APP: variants seen among roughly 807,000 people sequenced by gnomAD.
The protein encoded by APP is amyloid beta precursor protein.
APP carries 31 observed loss-of-function variants against 101.4 expected under a neutral mutation model. The observed-to-expected ratio is 0.31, with a 90% CI of 0.23 to 0.41. The LOEUF is 0.41. APP is among the 10% of genes least tolerant of loss of function. The pLI is 1.00. For missense variants in APP, 839 were observed against 1,003.7 expected, an observed-to-expected ratio of 0.84 and a Z score of 2.22; for synonymous variants, 366 against 364.4, an observed-to-expected ratio of 1.00 and a Z score of -0.05.
chr21:26,002,838 G>A (rs544236258), intron 6 of APP, among the ~76,000 whole-genome samples: 4 of 152,206 alleles, frequency 2.6e-5, no homozygotes, highest in Non-Finnish European at 4.4e-5. Flanking sequence ...CACGGGCCTC[G>A]CAGTGAACAT....
chr21:25,882,003 T>C (rs2037019358), intron 17 of APP, among the ~76,000 whole-genome samples: 1 of 152,090 alleles, frequency 6.6e-6, no homozygotes, highest in African/African-American at 2.4e-5. Context: ...CTTGACGCGC[T>C]TGCAACGTGT....
At chr21:26,113,570 C>A (rs528054740) in intron 1 of APP, among the ~76,000 whole-genome samples, 6 of 152,152 alleles carry the variant, frequency 3.9e-5, no homozygotes, top group Non-Finnish European at 7.3e-5. Flanking sequence ...CAATATTTAA[C>A]GAAATTCTGC....
At chr21:26,004,212 G>A (rs2043412541) in intron 6 of APP, among the ~76,000 whole-genome samples, 1 of 149,102 alleles carries the variant, frequency 6.7e-6, no homozygotes, top group Non-Finnish European at 1.5e-5. Context: ...AGGGATTAAT[G>A]TCAATTTAAT....
At chr21:26,039,992 G>C (rs989629305) in intron 5 of APP, among the ~76,000 whole-genome samples, 1 of 152,106 alleles carries the variant, frequency 6.6e-6, no homozygotes, top group African/African-American at 2.4e-5. Flanking sequence ...TCAGATTTCA[G>C]ATTTTTTTCA....
At chr21:25,886,774 A>AC (rs11378786) in intron 17 of APP, among the ~76,000 whole-genome samples, 29,663 of 151,392 alleles carry the variant, frequency 0.2, 3,412 homozygotes, top group South Asian at 0.36. Flanking sequence ...TAGGTTCTGC[A>AC]CCCCCCCTCA....
intron 1 of APP, among the ~76,000 whole-genome samples, chr21:26,149,719 T>A (rs932582028): frequency 2.7e-4 from 41 of 152,372 alleles, no homozygotes; most frequent in African/African-American, 9.1e-4. Context: ...TTTCATGAAA[T>A]CATCTTGATT....
intron 16 of APP, 23 bp from the exon 17 acceptor site, chr21:25,891,891 G>C (rs201429297): frequency 2.7e-5 from 44 of 1,603,808 alleles, no homozygotes; most frequent in Admixed American, 2.2e-4. Flanking sequence ...TTAAGAAAAA[G>C]AATTTTAATT....
intron 3 of APP, among the ~76,000 whole-genome samples, chr21:26,085,623 A>G (rs1259219801): frequency 6.6e-6 from 1 of 152,168 alleles, no homozygotes; most frequent in East Asian, 1.9e-4. Context: ...ATTTCTGACT[A>G]TTGTGTTGTA....
intron 8 of APP, 123 bp downstream of exon 8, chr21:25,997,237 T>C: frequency 5.1e-6 from 5 of 973,184 alleles, no homozygotes; most frequent in Non-Finnish European, 8.2e-6. Context: ...GGAAGAAACA[T>C]TTTACTAAGA....
chr21:26,063,900 C>T (rs928416478), intron 3 of APP, among the ~76,000 whole-genome samples: 1 of 152,160 alleles, frequency 6.6e-6, no homozygotes, highest in Non-Finnish European at 1.5e-5. Context: ...CCACCTGAGC[C>T]AGGTGATCAA....
At chr21:26,101,429 T>C (rs895904048) in intron 2 of APP, among the ~76,000 whole-genome samples, 2 of 152,120 alleles carry the variant, frequency 1.3e-5, no homozygotes, top group Non-Finnish European at 2.9e-5. Context: ...AAGAATAGTA[T>C]GGGGACTCAT....
chr21:26,116,746 G>C (rs1383603267), intron 1 of APP, among the ~76,000 whole-genome samples: 1 of 152,124 alleles, frequency 6.6e-6, no homozygotes, highest in African/African-American at 2.4e-5. Flanking sequence ...TAATTTTAAG[G>C]TTTCTGGCTA....
intron 5 of APP, among the ~76,000 whole-genome samples, chr21:26,041,089 A>G (rs1040418509): frequency 6.6e-6 from 1 of 152,232 alleles, no homozygotes; most frequent in Non-Finnish European, 1.5e-5. Flanking sequence ...TATTTTCGTA[A>G]TAATTGCCTT....
chr21:25,894,902 T>TG (rs981116972), intron 16 of APP, among the ~76,000 whole-genome samples: 18 of 152,334 alleles, frequency 1.2e-4, no homozygotes, highest in African/African-American at 4.3e-4. Flanking sequence ...AGTCAATCGA[T>TG]GCAGCAAACT....
intron 7 of APP, 122 bp downstream of exon 7, chr21:25,999,893 A>C (rs1422529164): frequency 8.9e-7 from 1 of 1,120,118 alleles, no homozygotes; most frequent in Non-Finnish European, 1.3e-6. Context: ...AGTGGACAGA[A>C]ATGTGGTTAG....
chr21:26,123,888 A>G (rs772691394), intron 1 of APP, among the ~76,000 whole-genome samples: 4 of 152,154 alleles, frequency 2.6e-5, no homozygotes, highest in Non-Finnish European at 5.9e-5. Context: ...CAGTTAGTTG[A>G]CAGTAGAGCC....
At chr21:26,053,187 C>A in intron 4 of APP, 49 bp downstream of exon 4, 1 of 1,370,858 alleles carries the variant, frequency 7.3e-7, no homozygotes, top group South Asian at 1.2e-5. Flanking sequence ...TTAAGCACGT[C>A]CCCAGGAAAT....
intron 1 of APP, among the ~76,000 whole-genome samples, chr21:26,122,892 G>C (rs901279525): frequency 6.6e-6 from 1 of 151,964 alleles, no homozygotes; most frequent in Non-Finnish European, 1.5e-5. Context: ...ACAGGAATTC[G>C]GATATTTGAC....
chr21:25,981,702 C>A (rs2042435886), intron 9 of APP, among the ~76,000 whole-genome samples: 1 of 141,914 alleles, frequency 7.0e-6, no homozygotes. Context: ...ACAAACCAAA[C>A]CAAAACAGGT....
Sources: allele counts gnomAD v4.1 joint callset (sites outside exome capture counted in the v4.1 genomes callset), GRCh38; gene constraint gnomAD v4.1.1; transcripts MANE v1.5; gene names NCBI Gene and HGNC (gene_info 2026-07-23, HGNC 2026-07-21).